The following SNX10 variants were observed in gnomAD, a reference collection of about 807,000 sequenced individuals.
SNX10 encodes the protein sorting nexin 10.
Under a neutral mutation model 28.5 loss-of-function variants are expected in SNX10, and 25 were observed. That is an observed-to-expected ratio of 0.88 (90% confidence interval 0.64 to 1.22). SNX10 has a LOEUF of 1.22. Among genes scored for constraint, SNX10 ranks in the 50% most tolerant of loss-of-function variants. SNX10 has a pLI of 0.00. For synonymous variants in SNX10, 62 were observed against 81.4 expected (o/e 0.76, Z 1.28); for missense variants, 223 against 242.6 (o/e 0.92, Z 0.54).
At chr7:26,360,403 CCA>C (rs4000684) in intron 2 of SNX10, 26,594 of 153,668 alleles carry the variant, frequency 0.17, 2,533 homozygotes, top group South Asian at 0.36. Flanking sequence ...CAGGCATGCA[CCA>C]CACTGCGCCT....
chr7:26,301,266 C>T (rs1786354042), intron 1 of SNX10, among the ~76,000 whole-genome samples: 1 of 152,086 alleles, frequency 6.6e-6, no homozygotes, highest in Non-Finnish European at 1.5e-5. Flanking sequence ...TTCTCTTGTG[C>T]TCAAGAAAGG....
rs573896798 is a variant in SNX10, at chr7:26,299,607, T to A, written c.-24+7521T>A. Among the ~76,000 whole-genome samples, 4 of 152,036 alleles carry A rather than the reference T, an allele frequency of 2.6e-5. No homozygotes were observed. The South Asian group carries it at 8.3e-4, about 32-fold the overall frequency. The stretch of plus-strand genomic sequence containing the variant: ...CACCATACCCAGATAATTTTTATAT[T>A]TTTAGTAGAGACAGGGTTTCACCGT... On this transcript the variant is annotated intron_variant, in intron 1 of 6. Coordinates refer to ENST00000338523, the MANE Select transcript of SNX10 (RefSeq NM_013322.3).
At position 26,295,179 on chromosome 7, in the gene SNX10, T is replaced by C. The variant is rs142407836; in HGVS notation, c.-24+3093T>C. 3.9e-5 allele frequency among the ~76,000 whole-genome samples: 6 copies of C among 152,354 alleles called. No homozygotes were observed. In the South Asian group the frequency reaches 8.3e-4, roughly 21 times the overall value. On this transcript the variant is annotated intron_variant, in intron 1 of 6. Transcript: ENST00000338523. Reference sequence around the variant, plus strand: ...CCTCTGGGGACAGGGAAATAGTCTTTATCAGATCTGTGAACCCCTTTCAAA... The same window carrying C: ...CCTCTGGGGACAGGGAAATAGTCTTCATCAGATCTGTGAACCCCTTTCAAA...
chr7:26,369,949 A>C (rs1789449478), intron 5 of SNX10, among the ~76,000 whole-genome samples: 1 of 152,240 alleles, frequency 6.6e-6, no homozygotes, highest in Admixed American at 6.5e-5. Context: ...TCAGACATGA[A>C]ATAAAGCTAA....
rs371259367 is a variant in SNX10 at position 26,308,609 on chromosome 7, C to T, written c.-24+16523C>T. On this transcript the variant is annotated intron_variant, in intron 1 of 6. Transcript: ENST00000338523. ...CCTGGGGAGGTATGGGAGCTCCATACCCATACCTTGTCCTGTGCGTCTCCA... is the reference window on the plus strand; with the variant it reads ...CCTGGGGAGGTATGGGAGCTCCATATCCATACCTTGTCCTGTGCGTCTCCA... Among the ~76,000 whole-genome samples the T allele has an allele frequency of 1.2e-4, 19 of 152,288 alleles. 1 individual carries two copies. Among genetic ancestry groups the T allele is most frequent in the East Asian group, 1.2e-3 (6 of 5,172 alleles).
At chr7:26,301,018 CCAAAAAAAAA>C (rs1206252692) in intron 1 of SNX10, among the ~76,000 whole-genome samples, 8 of 63,912 alleles carry the variant, frequency 1.3e-4, no homozygotes, top group East Asian at 7.4e-4. Context: ...TACTCTGTCT[CCAAAAAAAAA>C]AAAAAAAAAA....
At chr7:26,307,759 C>T (rs1322601500) in intron 1 of SNX10, among the ~76,000 whole-genome samples, 2 of 151,810 alleles carry the variant, frequency 1.3e-5, no homozygotes, top group South Asian at 2.1e-4. Flanking sequence ...AGCTTCCCTG[C>T]TCCCCATAAC....
At chr7:26,348,239 C>T (rs1268647139) in intron 2 of SNX10, among the ~76,000 whole-genome samples, 3 of 152,100 alleles carry the variant, frequency 2.0e-5, no homozygotes, top group African/African-American at 7.2e-5. Context: ...TGCTTTTTTC[C>T]ATCTCATTTT....
intron 2 of SNX10, among the ~76,000 whole-genome samples, chr7:26,358,552 C>T (rs1185201664): frequency 6.6e-6 from 1 of 151,890 alleles, no homozygotes; most frequent in Non-Finnish European, 1.5e-5. Flanking sequence ...TCAGCCTGGG[C>T]AACATAGCAA....
intron 2 of SNX10, among the ~76,000 whole-genome samples, chr7:26,356,222 C>T (rs1252489655): frequency 1.3e-5 from 2 of 152,118 alleles, no homozygotes; most frequent in East Asian, 1.9e-4. Context: ...AGTCTGTTTT[C>T]ACATGGAGAA....
At chr7:26,322,764 T>A (rs978724625) in intron 1 of SNX10, among the ~76,000 whole-genome samples, 2 of 152,268 alleles carry the variant, frequency 1.3e-5, no homozygotes, top group African/African-American at 4.8e-5. Context: ...GTTCTCTTAG[T>A]GGCTCTCTTG....
At chr7:26,322,299 G>T in intron 1 of SNX10, among the ~76,000 whole-genome samples, 1 of 152,114 alleles carries the variant, frequency 6.6e-6, no homozygotes, top group Non-Finnish European at 1.5e-5. Context: ...CTAACTTTTT[G>T]CTCTTTATAT....
At chr7:26,363,508 A>G (rs1223988404) in intron 3 of SNX10, among the ~76,000 whole-genome samples, 1 of 152,210 alleles carries the variant, frequency 6.6e-6, no homozygotes, top group Non-Finnish European at 1.5e-5. Context: ...GAGACTAGAG[A>G]TACTCATATT....
chr7:26,316,413 C>T (rs1313687293), intron 1 of SNX10, among the ~76,000 whole-genome samples: 1 of 152,120 alleles, frequency 6.6e-6, no homozygotes, highest in African/African-American at 2.4e-5. Flanking sequence ...GTTTGCCTTG[C>T]ATTAAGTAAC....
At chr7:26,319,131 A>T (rs1358540435) in intron 1 of SNX10, among the ~76,000 whole-genome samples, 4 of 152,180 alleles carry the variant, frequency 2.6e-5, no homozygotes, top group Non-Finnish European at 5.9e-5. Flanking sequence ...TGGTCATAAG[A>T]GTGGCTTGTG....
At chr7:26,330,778 G>C (rs1787717124) in intron 1 of SNX10, among the ~76,000 whole-genome samples, 1 of 152,116 alleles carries the variant, frequency 6.6e-6, no homozygotes, top group African/African-American at 2.4e-5. Flanking sequence ...GCAGCTACTC[G>C]GGAGGCTGAG....
intron 1 of SNX10, among the ~76,000 whole-genome samples, chr7:26,312,643 G>A (rs1248890122): frequency 6.6e-6 from 1 of 152,140 alleles, no homozygotes; most frequent in Non-Finnish European, 1.5e-5. Flanking sequence ...AATTAGCCAG[G>A]CGTGTTGGCG....
At chr7:26,372,443 A>G (rs1382031172) in intron 6 of SNX10, 48 bp from the exon 7 acceptor site, 1 of 1,237,760 alleles carries the variant, frequency 8.1e-7, no homozygotes, top group African/African-American at 1.5e-5. Flanking sequence ...GTGTGTTGTG[A>G]AAACCAATTT....
At chr7:26,360,933 G>A in intron 2 of SNX10, 42 bp from the exon 3 acceptor site, 7 of 1,553,426 alleles carry the variant, frequency 4.5e-6, no homozygotes, top group Non-Finnish European at 5.3e-6. Flanking sequence ...AGTCCTACTT[G>A]CAGTTCTGAA....
Sources: allele counts gnomAD v4.1 joint callset (sites outside exome capture counted in the v4.1 genomes callset), GRCh38; gene constraint gnomAD v4.1.1; transcripts MANE v1.5; gene names NCBI Gene and HGNC (gene_info 2026-07-23, HGNC 2026-07-21).